ADCY2: variants seen among roughly 807,000 people sequenced by gnomAD.
ADCY2 encodes the protein adenylate cyclase 2.
A neutral mutation model predicts 125.2 loss-of-function variants in ADCY2; 31 were observed. The observed-to-expected ratio is 0.25, with a 90% CI of 0.19 to 0.33. The LOEUF (loss-of-function observed/expected upper bound fraction) is 0.33. ADCY2 is among the 10% of genes least tolerant of loss of function. The probability of loss-of-function intolerance (pLI) is 1.00; values close to 1 mark genes in which losing one functional copy is unlikely to be tolerated. For synonymous variants in ADCY2, 512 were observed against 548.4 expected, an observed-to-expected ratio of 0.93 and a Z score of 0.93; for missense variants, 904 against 1,418.2, an observed-to-expected ratio of 0.64 and a Z score of 5.82.
At chr5:7,454,211 A>C (rs1741581528) in intron 2 of ADCY2, among the ~76,000 whole-genome samples, 2 of 152,204 alleles carry the variant, frequency 1.3e-5, no homozygotes, top group African/African-American at 4.8e-5. Flanking sequence ...ATCAGCAAAA[A>C]GTTTATGACT....
At chr5:7,702,725 T>A (rs550078221) in intron 7 of ADCY2, among the ~76,000 whole-genome samples, 1 of 152,344 alleles carries the variant, frequency 6.6e-6, no homozygotes, top group East Asian at 1.9e-4. Context: ...TGATTTATAA[T>A]CCTTTGGGTA....
chr5:7,593,801 C>G (rs1736921626), intron 3 of ADCY2, among the ~76,000 whole-genome samples: 1 of 149,966 alleles, frequency 6.7e-6, no homozygotes, highest in African/African-American at 2.5e-5. Flanking sequence ...AATAGACAAA[C>G]GTGAAAAAAA....
chr5:7,762,536 AAGCATACTCCTGTCACTCATGT>A lies in ADCY2; in HGVS notation c.2095-4150_2095-4129del, dbSNP rs1234669274. On this transcript the variant is annotated intron_variant, in intron 16 of 24. Transcript: ENST00000338316. ...GCACCTGTGCAGGGTGGTGCAAGGG[AAGCATACTCCTGTCACTCATGT>A]CAGGAAGGCGACACCTTCTGCTGAG... is the stretch of plus-strand genomic sequence containing the variant. Among the ~76,000 whole-genome samples the A allele has an allele frequency of 2.7e-4, 41 of 152,176 alleles. 1 individual carries two copies. Among genetic ancestry groups the A allele is most frequent in the Admixed American group, 2.7e-3 (41 of 15,280 alleles).
At chr5:7,463,983 A>G (rs2126444110) in intron 2 of ADCY2, among the ~76,000 whole-genome samples, 1 of 152,272 alleles carries the variant, frequency 6.6e-6, no homozygotes, top group South Asian at 2.1e-4. Flanking sequence ...GTAAGTTTGT[A>G]TTTTATTTGG....
intron 15 of ADCY2, among the ~76,000 whole-genome samples, chr5:7,754,569 T>G (rs982470965): frequency 2.6e-5 from 4 of 152,180 alleles, no homozygotes; most frequent in Non-Finnish European, 5.9e-5. Flanking sequence ...ATATAAATAC[T>G]GTCTTAATTT....
chr5:7,561,141 A>G (rs545489644), intron 3 of ADCY2, among the ~76,000 whole-genome samples: 208 of 152,340 alleles, frequency 1.4e-3, no homozygotes, highest in African/African-American at 4.9e-3. Flanking sequence ...TCCTTCTGAA[A>G]CTTGATACTA....
chr5:7,734,044 A>G (rs1196614454), intron 14 of ADCY2, among the ~76,000 whole-genome samples: 1 of 152,104 alleles, frequency 6.6e-6, no homozygotes, highest in African/African-American at 2.4e-5. Context: ...CTATCATTTA[A>G]AAAAGAGGAA....
At chr5:7,531,937 G>T (rs1310185844) in intron 3 of ADCY2, among the ~76,000 whole-genome samples, 1 of 152,218 alleles carries the variant, frequency 6.6e-6, no homozygotes, top group African/African-American at 2.4e-5. Context: ...CCCTCCATGG[G>T]TTATTGCAGA....
At chr5:7,606,389 G>A (rs576977640) in intron 3 of ADCY2, among the ~76,000 whole-genome samples, 1 of 152,340 alleles carries the variant, frequency 6.6e-6, no homozygotes, top group Non-Finnish European at 1.5e-5. Context: ...CAATGGTGAT[G>A]TGGAGGTAAA....
intron 2 of ADCY2, among the ~76,000 whole-genome samples, chr5:7,486,313 G>A (rs187653225): frequency 1.3e-5 from 2 of 152,320 alleles, no homozygotes; most frequent in East Asian, 3.9e-4. Flanking sequence ...TATACACACA[G>A]GAGTTAACAT....
At chr5:7,811,682 C>T (rs576702652) in intron 22 of ADCY2, among the ~76,000 whole-genome samples, 6 of 152,132 alleles carry the variant, frequency 3.9e-5, no homozygotes, top group East Asian at 1.9e-4. Context: ...AGTTCATAAG[C>T]GTGACCTCCT....
At chr5:7,806,667 A>G (rs914617600) in intron 22 of ADCY2, among the ~76,000 whole-genome samples, 20 of 152,308 alleles carry the variant, frequency 1.3e-4, no homozygotes, top group Admixed American at 2.6e-4. Flanking sequence ...AGAGGGCACC[A>G]GTTCCGTTGG....
chr5:7,696,323 C>G (rs1298905603), intron 6 of ADCY2, among the ~76,000 whole-genome samples: 1 of 152,168 alleles, frequency 6.6e-6, no homozygotes, highest in Non-Finnish European at 1.5e-5. Context: ...CCATGCAAAG[C>G]CTTCACTTAC....
chr5:7,410,556 G>A (rs1306884534), intron 1 of ADCY2, among the ~76,000 whole-genome samples: 1 of 152,088 alleles, frequency 6.6e-6, no homozygotes, highest in African/African-American at 2.4e-5. Flanking sequence ...CATCTCAGTG[G>A]ATGATACCAT....
chr5:7,483,253 T>A (rs1403199648), intron 2 of ADCY2, among the ~76,000 whole-genome samples: 1 of 152,180 alleles, frequency 6.6e-6, no homozygotes, highest in African/African-American at 2.4e-5. Flanking sequence ...ATTATATGCA[T>A]GTATCAGAAT....
intron 4 of ADCY2, among the ~76,000 whole-genome samples, chr5:7,668,609 G>A (rs1018318975): frequency 3.3e-5 from 5 of 152,132 alleles, no homozygotes; most frequent in Admixed American, 6.5e-5. Context: ...AAGAGTTTTT[G>A]TTTTTTAATA....
chr5:7,520,669 A>G, intron 2 of ADCY2, 69 bp from the exon 3 acceptor site: 3 of 1,567,052 alleles, frequency 1.9e-6, no homozygotes, highest in South Asian at 1.1e-5. Context: ...CTTTAGTGGC[A>G]TGGAAACAGG....
chr5:7,672,644 T>G (rs1229746991), intron 4 of ADCY2, among the ~76,000 whole-genome samples: 1 of 152,180 alleles, frequency 6.6e-6, no homozygotes, highest in Non-Finnish European at 1.5e-5. Flanking sequence ...GGATTACAGG[T>G]GTGAGCTACC....
intron 3 of ADCY2, among the ~76,000 whole-genome samples, chr5:7,574,935 A>G (rs1736195684): frequency 3.9e-5 from 6 of 152,234 alleles, no homozygotes; most frequent in Admixed American, 2.6e-4. Flanking sequence ...TAATATAAAG[A>G]CAGTGAAGAC....
Sources: gnomAD v4.1 joint callset for allele counts (sites outside exome capture counted in the v4.1 genomes callset) on GRCh38, gnomAD v4.1.1 for gene constraint, MANE v1.5 for transcripts, NCBI Gene and HGNC (gene_info 2026-07-23, HGNC 2026-07-21) for gene names.